MYRFL: variants seen among roughly 807,000 people sequenced by gnomAD.
MYRFL encodes myelin regulatory factor like.
A neutral mutation model predicts 109.4 loss-of-function variants in MYRFL; 88 were observed. The ratio of observed to expected loss-of-function variants is 0.80; its 90% CI spans 0.68 to 0.96. The LOEUF (loss-of-function observed/expected upper bound fraction) is 0.96, where lower values mean the gene tolerates loss of function less well. MYRFL is among the 40% of genes least tolerant of loss of function. The pLI is 0.00. For missense variants in MYRFL, 957 were observed against 954.9 expected (o/e 1.00, Z -0.03); for synonymous variants, 324 against 320.9 (o/e 1.01, Z -0.10).
intron 1 of MYRFL, among the ~76,000 whole-genome samples, chr12:69,850,504 A>C (rs1883817800): frequency 6.6e-6 from 1 of 152,156 alleles, no homozygotes; most frequent in Non-Finnish European, 1.5e-5. Context: ...GATTCTTCCA[A>C]GATTAAGGAA....
At chr12:69,891,990 C>T (rs944699276) in intron 7 of MYRFL, among the ~76,000 whole-genome samples, 1 of 152,058 alleles carries the variant, frequency 6.6e-6, no homozygotes, top group Admixed American at 6.6e-5. Context: ...ATGTCGATTT[C>T]GTAAGCCTGG....
rs1336716063 is a variant in MYRFL, at chr12:69,926,932, G to GTTTTTTTTTTTTTTTTTTTTTTTTT, written c.1766+198_1766+199insTTTTTTTTTTTTTTTTTTTTTTTTT. ...ACTTTCTTAGTTTTTTTCTGTTGCT[G>GTTTTTTTTTTTTTTTTTTTTTTTTT]GTTTTTTTTTTTTTTTTTTTTTTTT... On this transcript the variant is annotated intron_variant, in intron 14 of 24. Transcript: ENST00000552032. 1.3e-3 allele frequency among the ~76,000 whole-genome samples: 99 copies of GTTTTTTTTTTTTTTTTTTTTTTTTT among 76,850 alleles called. 39 individuals carry two copies. The highest frequency in any genetic ancestry group is 1.7e-3 in the Non-Finnish European group (68 of 39,078). 50.4% of individuals were successfully genotyped at this position (76,850 alleles called of 152,430 possible).
At chr12:69,880,810 C>T (rs1257990028) in intron 5 of MYRFL, among the ~76,000 whole-genome samples, 1 of 152,160 alleles carries the variant, frequency 6.6e-6, no homozygotes, top group Non-Finnish European at 1.5e-5. Context: ...CGTGTTTTTC[C>T]ACTAGAACAG....
Position 69,909,968 on chromosome 12 carries a change from G to A in MYRFL, c.1384-1G>A. The A allele has an allele frequency of 6.6e-7, 1 of 1,521,478 alleles. No individual in the cohort carries two copies. The highest frequency in any genetic ancestry group is 2.5e-5 in the East Asian group (1 of 40,708). 94.2% of individuals were successfully genotyped at this position (1,521,478 alleles called of 1,614,324 possible). Reference sequence around the variant, plus strand: ...AATCTGCTCTTCTTTAATTAAATTAGGTTGACACGAATGAACAGCTGAAAA... The same window carrying A: ...AATCTGCTCTTCTTTAATTAAATTAAGTTGACACGAATGAACAGCTGAAAA... On this transcript the variant is annotated splice_acceptor_variant, in intron 11 of 24. Transcript: ENST00000552032. LOFTEE classifies it high-confidence loss of function.
intron 13 of MYRFL, among the ~76,000 whole-genome samples, chr12:69,920,831 C>G (rs895650515): frequency 3.3e-5 from 5 of 152,212 alleles, no homozygotes; most frequent in African/African-American, 1.2e-4. Context: ...CCCATTGTTT[C>G]CATGTGCAAT....
At chr12:69,866,518 A>G (rs1048582157) in intron 2 of MYRFL, among the ~76,000 whole-genome samples, 10 of 152,264 alleles carry the variant, frequency 6.6e-5, no homozygotes, top group South Asian at 2.1e-4. Flanking sequence ...CAGCACTGGG[A>G]TGCAGGGTTT....
rs1027632844 is a variant in MYRFL, at chr12:69,854,143, G to C, written c.47-1137G>C. Among the ~76,000 whole-genome samples, 6 of 152,194 alleles carry C rather than the reference G, an allele frequency of 3.9e-5. No individual in the cohort carries two copies. The East Asian group carries it at 1.2e-3, about 29-fold the overall frequency. On this transcript the variant is annotated intron_variant, in intron 1 of 24. Coordinates refer to ENST00000552032, the MANE Select transcript of MYRFL (RefSeq NM_182530.3). ...GCAGATCACTCGCGGTCAGGAGCTG[G>C]AGACCAGTCCGGCCAACACGGGAAA... is the stretch of plus-strand genomic sequence containing the variant.
chr12:69,922,504 T>A (rs1954945339), intron 13 of MYRFL, among the ~76,000 whole-genome samples: 1 of 152,276 alleles, frequency 6.6e-6, no homozygotes, highest in Admixed American at 6.5e-5. Flanking sequence ...TGAAACCCCA[T>A]GTATGCCTCA....
At chr12:69,874,727 G>T (rs1885554936) in intron 2 of MYRFL, among the ~76,000 whole-genome samples, 1 of 151,610 alleles carries the variant, frequency 6.6e-6, no homozygotes, top group Non-Finnish European at 1.5e-5. Context: ...TCAAATTCTG[G>T]CTTACCAATT....
intron 5 of MYRFL, among the ~76,000 whole-genome samples, chr12:69,881,093 G>A (rs1283394777): frequency 6.7e-6 from 1 of 150,184 alleles, no homozygotes; most frequent in African/African-American, 2.5e-5. Context: ...ACATACTAGG[G>A]GAAAAGGATA....
chr12:69,833,325 GT>G (rs985860879), intron 1 of MYRFL, among the ~76,000 whole-genome samples: 6 of 152,124 alleles, frequency 3.9e-5, no homozygotes, highest in Admixed American at 2.0e-4. Flanking sequence ...GAAGAATATG[GT>G]TAAACGTTTC....
In MYRFL at chr12:69,958,273, C is replaced by G; in HGVS notation, c.2596C>G (p.Pro866Ala). The G allele has an allele frequency of 6.5e-7, 1 of 1,536,468 alleles. No homozygotes were observed. Among genetic ancestry groups the G allele is most frequent in the Non-Finnish European group, 8.7e-7 (1 of 1,146,960 alleles). ...TQGYQHIWSLPVAPFSDSMFH... is the reference protein window; with the variant it reads ...TQGYQHIWSLAVAPFSDSMFH... The stretch of plus-strand genomic sequence containing the variant: ...GGGATATCAGCACATTTGGAGCCTC[C>G]CTGTAGCCCCATTTTCTGACAGCAT... The change falls in exon 24 of 25, where the codon CCT (proline) becomes GCT (alanine). Residue 866 changes from proline to alanine, a missense_variant. Coordinates refer to ENST00000552032, the MANE Select transcript of MYRFL (RefSeq NM_182530.3).
intron 1 of MYRFL, among the ~76,000 whole-genome samples, chr12:69,832,404 GCT>G (rs1882683909): frequency 1.3e-5 from 2 of 152,130 alleles, no homozygotes; most frequent in South Asian, 4.1e-4. Context: ...CCTTATAGTG[GCT>G]TCTTCTCTAG....
intron 13 of MYRFL, among the ~76,000 whole-genome samples, chr12:69,913,046 T>G (rs1229894767): frequency 2.0e-5 from 3 of 152,232 alleles, no homozygotes; most frequent in Non-Finnish European, 4.4e-5. Flanking sequence ...GATTTACATT[T>G]CCTTAATGAT....
In MYRFL at chr12:69,895,384, G is replaced by A; in HGVS notation, c.994G>A (p.Ala332Thr). 1 of 1,534,840 alleles carries A rather than the reference G, an allele frequency of 6.5e-7. No homozygotes were observed. The highest frequency in any genetic ancestry group is 1.2e-5 in the South Asian group (1 of 83,980). ...IFNPVKIDLL[A>T]DQVTKVTLGR... is the part of the protein sequence containing the mutation. ...TGTTTGTTTTAGAATTGACCTACTG[G>A]CTGACCAGGTCACCAAAGTAACACT... Residue 332 changes from alanine (A) to threonine (T), a missense_variant, in exon 9 of 25, where the codon GCT becomes ACT. Transcript: ENST00000552032.
At chr12:69,873,157 T>C (rs990789279) in intron 2 of MYRFL, among the ~76,000 whole-genome samples, 4 of 152,204 alleles carry the variant, frequency 2.6e-5, no homozygotes, top group African/African-American at 9.7e-5. Context: ...GGGTGTCCAA[T>C]CTGTTGGCTT....
chr12:69,865,570 G>A (rs1358919324), intron 2 of MYRFL, among the ~76,000 whole-genome samples: 1 of 152,134 alleles, frequency 6.6e-6, no homozygotes, highest in Non-Finnish European at 1.5e-5. Context: ...GAGACAGGAG[G>A]ACAGGGGAAG....
intron 1 of MYRFL, among the ~76,000 whole-genome samples, chr12:69,828,955 G>C (rs981853021): frequency 6.6e-6 from 1 of 152,120 alleles, no homozygotes; most frequent in African/African-American, 2.4e-5. Context: ...TCTTCATCCT[G>C]AAGTAGGTGC....
At position 69,932,549 on chromosome 12, in the gene MYRFL, T is replaced by C. The variant is rs1592856577; in HGVS notation, c.1867T>C (p.Trp623Arg). 7 of 1,536,122 alleles carry C rather than the reference T, an allele frequency of 4.6e-6. No homozygotes were observed. The East Asian group carries it at 1.5e-4, about 32-fold the overall frequency. ...FSGKRQACPN[W>R]VFQTLVITLI... is the part of the protein sequence containing the mutation. Reference sequence around the variant, plus strand: ...AGGAAAAAGACAGGCGTGTCCTAATTGGGTTTTCCAGACCTTGGTTATAAC... The same window carrying C: ...AGGAAAAAGACAGGCGTGTCCTAATCGGGTTTTCCAGACCTTGGTTATAAC... The change falls in exon 16 of 25, where the codon TGG (tryptophan) becomes CGG (arginine). Residue 623 changes from tryptophan (W) to arginine (R), a missense_variant. Coordinates refer to ENST00000552032, the MANE Select transcript of MYRFL (RefSeq NM_182530.3).
Sources: gnomAD v4.1 joint callset for allele counts (sites outside exome capture counted in the v4.1 genomes callset) on GRCh38, gnomAD v4.1.1 for gene constraint, MANE v1.5 for transcripts, NCBI Gene and HGNC (gene_info 2026-07-23, HGNC 2026-07-21) for gene names.